TSHZ2: variants seen among roughly 807,000 people sequenced by gnomAD.
TSHZ2 encodes teashirt homolog 2.
A neutral mutation model predicts 74.4 loss-of-function variants in TSHZ2; 21 were observed. The ratio of observed to expected loss-of-function variants is 0.28; its 90% CI spans 0.20 to 0.41. The LOEUF is 0.41. TSHZ2 is among the 10% of genes least tolerant of loss of function. TSHZ2 has a pLI of 1.00. For missense variants in TSHZ2, 1,244 were observed against 1,293.5 expected (o/e 0.96, Z 0.59); for synonymous variants, 540 against 515.3 (o/e 1.05, Z -0.65).
chr20:53,125,407 T>A (rs1986920671), intron 1 of TSHZ2, among the ~76,000 whole-genome samples: 1 of 152,126 alleles, frequency 6.6e-6, no homozygotes, highest in African/African-American at 2.4e-5. Flanking sequence ...AAAGGATGAG[T>A]CTCACAGAAT....
At chr20:53,039,840 G>A (rs1983972883) in intron 1 of TSHZ2, among the ~76,000 whole-genome samples, 2 of 151,068 alleles carry the variant, frequency 1.3e-5, no homozygotes, top group Admixed American at 1.3e-4. Context: ...GGCTGTGGTG[G>A]CTCACACCTG....
At chr20:53,143,443 C>T (rs918116574) in intron 1 of TSHZ2, among the ~76,000 whole-genome samples, 2 of 152,164 alleles carry the variant, frequency 1.3e-5, no homozygotes, top group African/African-American at 4.8e-5. Flanking sequence ...CCTTTAATCC[C>T]AGCACTTTGG....
At chr20:53,041,789 C>T (rs948310524) in intron 1 of TSHZ2, among the ~76,000 whole-genome samples, 3 of 152,198 alleles carry the variant, frequency 2.0e-5, no homozygotes, top group South Asian at 2.1e-4. Context: ...ATCCATGCCA[C>T]GAGTCTCCTG....
chr20:52,984,857 G>A (rs1981696384), intron 1 of TSHZ2, among the ~76,000 whole-genome samples: 1 of 152,190 alleles, frequency 6.6e-6, no homozygotes. Flanking sequence ...CAGGGTGCTA[G>A]TGAAAAAGAG....
intron 1 of TSHZ2, among the ~76,000 whole-genome samples, chr20:53,098,208 T>A (rs1986112053): frequency 6.6e-6 from 1 of 152,334 alleles, no homozygotes; most frequent in South Asian, 2.1e-4. Context: ...GGCACATCAC[T>A]GGTACTCAAT....
chr20:53,124,515 G>A (rs1319777049), intron 1 of TSHZ2, among the ~76,000 whole-genome samples: 1 of 152,210 alleles, frequency 6.6e-6, no homozygotes, highest in Non-Finnish European at 1.5e-5. Context: ...ATCAGGAGGA[G>A]CTCTCTCCAT....
chr20:53,428,039 A>G (rs371642188), intron 2 of TSHZ2, among the ~76,000 whole-genome samples: 4 of 152,188 alleles, frequency 2.6e-5, no homozygotes, highest in African/African-American at 9.7e-5. Context: ...AAGGCTTTGT[A>G]CAAAGCTTGC....
chr20:53,226,159 CAT>C (rs1491452302), intron 1 of TSHZ2, among the ~76,000 whole-genome samples: 48 of 134,338 alleles, frequency 3.6e-4, no homozygotes, highest in Admixed American at 7.3e-4. Flanking sequence ...CACACACACA[CAT>C]GCACACAAAC....
At chr20:53,132,928 CCT>C (rs755092868) in intron 1 of TSHZ2, among the ~76,000 whole-genome samples, 2 of 152,078 alleles carry the variant, frequency 1.3e-5, no homozygotes, top group African/African-American at 2.4e-5. Flanking sequence ...TTCCAGCCTT[CCT>C]CTCTTATTCT....
chr20:53,397,565 T>A (rs1982498639), intron 2 of TSHZ2: 1 of 152,196 alleles, frequency 6.6e-6, no homozygotes, highest in Non-Finnish European at 1.5e-5. Flanking sequence ...GAAGACAGTG[T>A]GGCAATTCCT....
intron 1 of TSHZ2, among the ~76,000 whole-genome samples, chr20:53,152,323 G>A (rs1987693958): frequency 6.6e-6 from 1 of 152,076 alleles, no homozygotes; most frequent in South Asian, 2.1e-4. Flanking sequence ...GGCTCACTGG[G>A]GCTAACCCAA....
At chr20:53,144,187 A>G (rs555073243) in intron 1 of TSHZ2, among the ~76,000 whole-genome samples, 1 of 152,272 alleles carries the variant, frequency 6.6e-6, no homozygotes, top group African/African-American at 2.4e-5. Flanking sequence ...GCAAATTGGG[A>G]AGTTTAGAAT....
chr20:53,463,798 C>A (rs1206284242), intron 2 of TSHZ2, among the ~76,000 whole-genome samples: 2 of 152,196 alleles, frequency 1.3e-5, no homozygotes, highest in African/African-American at 4.8e-5. Flanking sequence ...GGAGCCTCAG[C>A]TGGACATCTC....
intron 1 of TSHZ2, among the ~76,000 whole-genome samples, chr20:53,113,991 G>A (rs992994455): frequency 2.2e-4 from 34 of 151,728 alleles, no homozygotes; most frequent in African/African-American, 8.0e-4. Context: ...CTACTCAGGG[G>A]GCTTAGGCAA....
intron 1 of TSHZ2, among the ~76,000 whole-genome samples, chr20:53,052,694 T>G (rs1397222505): frequency 6.6e-6 from 1 of 152,218 alleles, no homozygotes; most frequent in Admixed American, 6.5e-5. Flanking sequence ...GTCATTCATC[T>G]GTTGATGGAC....
intron 2 of TSHZ2, among the ~76,000 whole-genome samples, chr20:53,258,401 A>G (rs568885619): frequency 3.9e-5 from 6 of 152,342 alleles, no homozygotes; most frequent in African/African-American, 1.4e-4. Flanking sequence ...ACTTAGAGAG[A>G]AGAAAGATAT....
intron 2 of TSHZ2, among the ~76,000 whole-genome samples, chr20:53,446,891 C>G (rs1477813675): frequency 6.6e-6 from 1 of 152,160 alleles, no homozygotes; most frequent in South Asian, 2.1e-4. Flanking sequence ...ACAGCTGCCC[C>G]ACTCATGGTT....
At chr20:53,398,756 AAC>A (rs910923788) in intron 2 of TSHZ2, 6 of 152,180 alleles carry the variant, frequency 3.9e-5, no homozygotes, top group Admixed American at 1.3e-4. Context: ...CTGTCTCAAA[AAC>A]ACACAAAAAA....
At chr20:53,071,121 G>A (rs1181737918) in intron 1 of TSHZ2, among the ~76,000 whole-genome samples, 3 of 152,108 alleles carry the variant, frequency 2.0e-5, no homozygotes, top group Non-Finnish European at 2.9e-5. Context: ...TTTTTTCTCA[G>A]AATAAAAGTT....
Sources: gnomAD v4.1 joint callset for allele counts (sites outside exome capture counted in the v4.1 genomes callset) on GRCh38, gnomAD v4.1.1 for gene constraint, MANE v1.5 for transcripts, NCBI Gene and HGNC (gene_info 2026-07-23, HGNC 2026-07-21) for gene names.